The following SLC9C1 variants were observed in gnomAD, a reference collection of about 807,000 sequenced individuals.
SLC9C1 encodes solute carrier family 9 member C1.
SLC9C1 carries 97 observed loss-of-function variants against 140.9 expected under a neutral mutation model. The ratio of observed to expected loss-of-function variants is 0.69; its 90% confidence interval spans 0.58 to 0.82. SLC9C1 has a LOEUF of 0.82. Among genes scored for constraint, SLC9C1 ranks in the 40% least tolerant of loss-of-function variants. The probability of loss-of-function intolerance (pLI) is 0.00; values close to 1 mark genes in which losing one functional copy is unlikely to be tolerated. For missense variants in SLC9C1, 1,340 were observed against 1,389.3 expected (o/e 0.96, Z 0.56); for synonymous variants, 440 against 442.6 (o/e 0.99, Z 0.07).
rs533239103 is a variant in SLC9C1, at chr3:112,199,295, C to G, written c.2523+26G>C. ...AATGATTATGTATCAAGTAAATATA[C>G]TTGCTTTGAAAATATTTTGCCTTAC... On this transcript the variant is annotated intron_variant, in intron 20 of 28. Coordinates refer to ENST00000305815, the MANE Select transcript of SLC9C1 (RefSeq NM_183061.3). 7 of 1,511,234 alleles carry G rather than the reference C, an allele frequency of 4.6e-6. No individual in the cohort carries two copies. In the South Asian group the frequency reaches 8.4e-5, roughly 18 times the overall value. The allele number at this position is 1,511,234 out of a possible 1,614,324, so 93.6% of individuals were successfully genotyped here.
intron 26 of SLC9C1, among the ~76,000 whole-genome samples, chr3:112,158,913 C>T (rs1183456751): frequency 1.3e-5 from 2 of 151,314 alleles, no homozygotes; most frequent in Non-Finnish European, 3.0e-5. Flanking sequence ...ATCTCTTTTT[C>T]TTAGTCTAGA....
intron 14 of SLC9C1, among the ~76,000 whole-genome samples, chr3:112,220,648 A>G (rs4321508): frequency 0.76 from 114,831 of 152,070 alleles, 43,774 homozygotes; most frequent in East Asian, 0.99. Flanking sequence ...CTTTGAGGAA[A>G]CCACTGCTTA....
Position 112,169,238 on chromosome 3 carries a change from C to T in SLC9C1, c.3010G>A (p.Ala1004Thr), listed in dbSNP as rs374547341. ...TCTCTGATTTTTCTGGCTGTAATAG[C>T]GAGTCCAAGTTTTAGCCACATTTTT... ...KQKMWLKLGL[A>T]ITARKIREHL... is the part of the protein sequence containing the mutation. Residue 1004 changes from alanine (A) to threonine (T), a missense_variant, in exon 24 of 29, where the codon GCT (alanine) becomes ACT (threonine). By Grantham distance (58) the Ala-to-Thr change is moderately conservative. Coordinates refer to ENST00000305815, the MANE Select transcript of SLC9C1 (RefSeq NM_183061.3). 4.2e-5 allele frequency: 68 copies of T among 1,613,368 alleles called. No individual in the cohort carries two copies. The highest frequency in any genetic ancestry group is 1.3e-4 in the South Asian group (12 of 91,032).
Position 112,208,175 on chromosome 3 carries a change from T to C in SLC9C1, c.1986+3A>G. The C allele has an allele frequency of 6.3e-7, 1 of 1,579,830 alleles. No individual in the cohort carries two copies. Among genetic ancestry groups the C allele is most frequent in the Non-Finnish European group, 8.6e-7 (1 of 1,166,254 alleles). On this transcript the variant is annotated splice_donor_region_variant and intron_variant, in intron 16 of 28. Transcript: ENST00000305815. The stretch of plus-strand genomic sequence containing the variant: ...TTCCATACACACATAAATTTTAGAT[T>C]ACCTTAAGTAGTGCCTCTAGAATAT...
intron 6 of SLC9C1, among the ~76,000 whole-genome samples, chr3:112,273,563 G>C (rs2080133709): frequency 6.6e-6 from 1 of 152,130 alleles, no homozygotes; most frequent in Non-Finnish European, 1.5e-5. Flanking sequence ...CTTTGAGGGA[G>C]GGGTGAGGGG....
intron 6 of SLC9C1, among the ~76,000 whole-genome samples, chr3:112,273,362 C>T (rs1393928683): frequency 1.3e-5 from 2 of 151,984 alleles, no homozygotes; most frequent in African/African-American, 4.8e-5. Context: ...TTGGAAGTAC[C>T]TAAAGATGAT....
Position 112,247,406 on chromosome 3 carries a change from C to A in SLC9C1, c.1198-3330G>T, listed in dbSNP as rs183686667. On this transcript the variant is annotated intron_variant, in intron 10 of 28. Transcript: ENST00000305815. ...TATAAAACTATTTTATTTGATCTTT[C>A]AACCATAGTTAATAACGTGCTCCAA... 1.9e-3 allele frequency among the ~76,000 whole-genome samples: 295 copies of A among 152,296 alleles called. 2 individuals carry two copies. The highest frequency in any genetic ancestry group is 2.5e-3 in the Admixed American group (38 of 15,286).
chr3:112,143,369 A>G (rs971471334), intron 28 of SLC9C1, among the ~76,000 whole-genome samples: 1 of 152,100 alleles, frequency 6.6e-6, no homozygotes, highest in Non-Finnish European at 1.5e-5. Context: ...CAGTGTATAC[A>G]TGTTTCCTTT....
At chr3:112,158,682 G>A (rs898355925) in intron 26 of SLC9C1, among the ~76,000 whole-genome samples, 1 of 151,722 alleles carries the variant, frequency 6.6e-6, no homozygotes, top group Non-Finnish European at 1.5e-5. Flanking sequence ...TTTTATTATG[G>A]CTTTGATCTT....
intron 20 of SLC9C1, among the ~76,000 whole-genome samples, chr3:112,192,871 C>T (rs960331319): frequency 6.6e-5 from 10 of 152,112 alleles, no homozygotes; most frequent in Non-Finnish European, 1.0e-4. Flanking sequence ...ATTGTGTTCC[C>T]CTGGAAGTAT....
intron 13 of SLC9C1, among the ~76,000 whole-genome samples, chr3:112,226,007 T>C (rs2078673380): frequency 6.6e-6 from 1 of 152,132 alleles, no homozygotes; most frequent in Non-Finnish European, 1.5e-5. Flanking sequence ...GGAAGGACTA[T>C]CTACACAGAA....
intron 15 of SLC9C1, among the ~76,000 whole-genome samples, chr3:112,214,816 T>G (rs1044133069): frequency 3.3e-5 from 5 of 152,208 alleles, no homozygotes; most frequent in Non-Finnish European, 7.3e-5. Flanking sequence ...CGGAGACTAT[T>G]TCAATCAATA....
At chr3:112,212,619 A>C (rs1277423199) in intron 15 of SLC9C1, among the ~76,000 whole-genome samples, 1 of 152,240 alleles carries the variant, frequency 6.6e-6, no homozygotes, top group African/African-American at 2.4e-5. Flanking sequence ...ATTGAAGATC[A>C]AATAAATGAA....
At chr3:112,208,975 C>T (rs1050288687) in intron 15 of SLC9C1, among the ~76,000 whole-genome samples, 1 of 151,986 alleles carries the variant, frequency 6.6e-6, no homozygotes, top group Non-Finnish European at 1.5e-5. Context: ...AATGTATATG[C>T]TTTGAAAAAT....
intron 15 of SLC9C1, among the ~76,000 whole-genome samples, chr3:112,208,712 T>C (rs1258037963): frequency 1.3e-5 from 2 of 152,232 alleles, no homozygotes; most frequent in African/African-American, 4.8e-5. Flanking sequence ...GAATACTTTC[T>C]AGCTTTTGAT....
chr3:112,277,762 C>T lies in SLC9C1; in HGVS notation c.417G>A (p.Trp139Ter), dbSNP rs191870124. The change falls in exon 5 of 29, where the codon TGG (tryptophan) becomes TGA (stop). Residue 139 changes from tryptophan (W) to a stop codon, truncating the protein, a stop_gained. Coordinates refer to ENST00000305815, the MANE Select transcript of SLC9C1 (RefSeq NM_183061.3). LOFTEE classifies it high-confidence loss of function. ...VNQLLLKPTQ[W>*]LLFSAILVSS... ...TCACAAGGATAGCTGAAAATAATAACCATTGGGTAGGCTTCAAAAGTAATT... is the reference window on the plus strand; with the variant it reads ...TCACAAGGATAGCTGAAAATAATAATCATTGGGTAGGCTTCAAAAGTAATT... The T allele has an allele frequency of 4.3e-6, 7 of 1,612,452 alleles. No homozygotes were observed. Among genetic ancestry groups the T allele is most frequent in the East Asian group, 2.2e-5 (1 of 44,798 alleles).
chr3:112,282,361 C>G (rs1220166757), intron 2 of SLC9C1, among the ~76,000 whole-genome samples: 1 of 139,686 alleles, frequency 7.2e-6, no homozygotes, highest in African/African-American at 2.5e-5. Flanking sequence ...TTTGGATGCT[C>G]AAGGCATTTT....
chr3:112,185,622 A>T (rs1173347046), intron 20 of SLC9C1: 3 of 1,584,606 alleles, frequency 1.9e-6, no homozygotes, highest in African/African-American at 1.3e-5. Context: ...CCCAAGGGGC[A>T]GGCTCCTGAC....
chr3:112,244,113 C>T (rs1395357870), intron 10 of SLC9C1, 37 bp from the exon 11 acceptor site: 2 of 1,324,516 alleles, frequency 1.5e-6, no homozygotes, highest in Non-Finnish European at 1.1e-6. Context: ...GTATTCATGA[C>T]AATTTCATAT....
Sources: allele counts gnomAD v4.1 joint callset (sites outside exome capture counted in the v4.1 genomes callset), GRCh38; gene constraint gnomAD v4.1.1; transcripts MANE v1.5; gene names NCBI Gene and HGNC (gene_info 2026-07-23, HGNC 2026-07-21).